ARMC8: variants seen among roughly 807,000 people sequenced by gnomAD.
ARMC8 encodes the protein armadillo repeat containing 8.
Under a neutral mutation model 99.3 loss-of-function variants are expected in ARMC8, and 20 were observed. The ratio of observed to expected loss-of-function variants is 0.20; its 90% CI spans 0.14 to 0.29. The LOEUF is 0.29. ARMC8 is among the 10% of genes least tolerant of loss of function. The pLI is 1.00. For missense variants in ARMC8, 569 were observed against 809.5 expected (o/e 0.70, Z 3.60); for synonymous variants, 263 against 278.3 (o/e 0.95, Z 0.55).
At chr3:138,250,110 A>T (rs908506847) in intron 12 of ARMC8, among the ~76,000 whole-genome samples, 7 of 151,794 alleles carry the variant, frequency 4.6e-5, no homozygotes, top group South Asian at 2.1e-4. Flanking sequence ...ATTAAAAAAA[A>T]TTTTTTTTTG....
At position 138,235,899 on chromosome 3, in the gene ARMC8, A is replaced by G. The variant is rs1047331478; in HGVS notation, c.609+785A>G. Reference sequence around the variant, plus strand: ...TGGCTCACTGCAAGCTCCGCCTCCCACGTTCACGCCATTCTCGTGCCTCAG... The same window carrying G: ...TGGCTCACTGCAAGCTCCGCCTCCCGCGTTCACGCCATTCTCGTGCCTCAG... On this transcript the variant is annotated intron_variant, in intron 7 of 21. Transcript: ENST00000469044. 7.4e-5 allele frequency among the ~76,000 whole-genome samples: 10 copies of G among 134,656 alleles called. No individual in the cohort carries two copies. The Admixed American group carries it at 9.1e-4, about 12-fold the overall frequency. The allele number at this position is 134,656 out of a possible 152,430, so 88.3% of individuals were successfully genotyped here.
chr3:138,252,815 C>T (rs1422536018), intron 12 of ARMC8, among the ~76,000 whole-genome samples: 4 of 143,692 alleles, frequency 2.8e-5, no homozygotes, highest in African/African-American at 7.8e-5. Flanking sequence ...TACCAAACTT[C>T]GCATATGCCT....
Position 138,288,740 on chromosome 3 carries a change from C to T in ARMC8, c.1822-308C>T, listed in dbSNP as rs151295263. Among the ~76,000 whole-genome samples, 1,400 of 151,024 alleles carry T rather than the reference C, an allele frequency of 9.3e-3. 25 individuals are homozygous for T. Among genetic ancestry groups the T allele is most frequent in the African/African-American group, 0.033 (1,360 of 41,088 alleles). ...GCAACCTCTGCCTCCCAGGTTCAGG[C>T]GATTCTCCTGCCTCAGCCTCCCTAG... On this transcript the variant is annotated intron_variant, in intron 19 of 21. Coordinates refer to ENST00000469044, the MANE Select transcript of ARMC8 (RefSeq NM_001363941.2).
chr3:138,212,370 C>T (rs964301979), intron 2 of ARMC8, among the ~76,000 whole-genome samples: 17 of 146,760 alleles, frequency 1.2e-4, no homozygotes, highest in South Asian at 2.1e-4. Context: ...AGTGCAATGG[C>T]GCGATCTCGG....
intron 5 of ARMC8, among the ~76,000 whole-genome samples, chr3:138,224,485 C>A (rs758975346): frequency 1.3e-5 from 2 of 152,188 alleles, no homozygotes; most frequent in Admixed American, 1.3e-4. Flanking sequence ...TACAGTGGCT[C>A]ACGCCTGTAA....
At chr3:138,293,571 A>T (rs143276768) in intron 21 of ARMC8, among the ~76,000 whole-genome samples, 3 of 152,180 alleles carry the variant, frequency 2.0e-5, no homozygotes, top group East Asian at 3.9e-4. Context: ...AGAACTAAAA[A>T]ACTGCAGCCC....
chr3:138,255,307 A>G (rs1473540548), intron 12 of ARMC8, among the ~76,000 whole-genome samples: 8 of 146,702 alleles, frequency 5.5e-5, no homozygotes, highest in African/African-American at 1.8e-4. Flanking sequence ...GGCTCAGGCC[A>G]TTCTCCTGCC....
chr3:138,277,025 TATA>T (rs1382445029), intron 18 of ARMC8, among the ~76,000 whole-genome samples: 1 of 152,068 alleles, frequency 6.6e-6, no homozygotes, highest in African/African-American at 2.4e-5. Context: ...AAGACTTAAT[TATA>T]AAAGTACAGT....
At chr3:138,273,580 C>T (rs979171432) in intron 17 of ARMC8, among the ~76,000 whole-genome samples, 5 of 152,108 alleles carry the variant, frequency 3.3e-5, no homozygotes, top group East Asian at 1.9e-4. Context: ...GCAGTGGATA[C>T]GTGTCAGAGT....
At chr3:138,235,639 C>CA (rs2046292057) in intron 7 of ARMC8, among the ~76,000 whole-genome samples, 1 of 152,206 alleles carries the variant, frequency 6.6e-6, no homozygotes, top group East Asian at 1.9e-4. Context: ...AAACCTTCGC[C>CA]ATTCATTGTT....
intron 1 of ARMC8, among the ~76,000 whole-genome samples, chr3:138,195,170 C>T (rs377540866): frequency 2.6e-5 from 4 of 151,164 alleles, no homozygotes; most frequent in South Asian, 2.1e-4. Context: ...CCCAGCTACT[C>T]GGGAGGCTGA....
chr3:138,298,014 A>C lies in ARMC8; in HGVS notation c.*2122A>C, dbSNP rs758691302. 9.2e-5 allele frequency: 14 copies of C among 152,264 alleles called. No homozygotes were observed. Among genetic ancestry groups the C allele is most frequent in the Non-Finnish European group, 2.1e-4 (14 of 68,050 alleles). The allele number at this position is 152,264 out of a possible 1,614,324, so 9.4% of individuals were successfully genotyped here. ...GTGGGTATAAACAGATGGTCAAATT[A>C]AAAATGCTTTACTATAATTAACTTT... On this transcript the variant is annotated 3_prime_UTR_variant, in exon 22 of 22. Transcript: ENST00000469044.
chr3:138,285,634 TC>T (rs1174879526), intron 19 of ARMC8, among the ~76,000 whole-genome samples: 6 of 152,196 alleles, frequency 3.9e-5, no homozygotes, highest in African/African-American at 1.4e-4. Flanking sequence ...TTTGTTCACT[TC>T]CTTCAGAGCA....
intron 2 of ARMC8, among the ~76,000 whole-genome samples, chr3:138,210,710 C>T (rs2044645514): frequency 6.6e-6 from 1 of 152,110 alleles, no homozygotes; most frequent in Non-Finnish European, 1.5e-5. Context: ...ATCCCATAAG[C>T]ATTGTCAGCC....
chr3:138,241,915 C>A lies in ARMC8; in HGVS notation c.970C>A (p.Leu324Ile). The change falls in exon 11 of 22, where the codon CTC becomes ATC. Residue 324 changes from leucine to isoleucine, a missense_variant. Physicochemically the swap from Leu to Ile is conservative, Grantham distance 5 (BLOSUM62 2). Transcript: ENST00000469044. ...GAGAATCGCTAGCATAACTGATCAC[C>A]TCATTGCCATGCTTGCTGATTATTT... ...LQRIASITDH[L>I]IAMLADYFKY... 6.2e-7 allele frequency: 1 copy of A among 1,614,082 alleles called. No individual in the cohort carries two copies. The highest frequency in any genetic ancestry group is 8.5e-7 in the Non-Finnish European group (1 of 1,179,976).
rs1361044207 is a variant in ARMC8 at position 138,201,437 on chromosome 3, T to C, written c.46-8380T>C. 1.0e-3 allele frequency among the ~76,000 whole-genome samples: 9 copies of C among 8,778 alleles called. No individual in the cohort carries two copies. The East Asian group carries it at 0.015, about 14-fold the overall frequency. 5.8% of individuals were successfully genotyped at this position (8,778 alleles called of 152,430 possible). ...AGAGTCCTTGTCTTCTTCCCCTCCCTTTTTTTTTTTTTTTTTTTTTTTTTT... is the reference window on the plus strand; with the variant it reads ...AGAGTCCTTGTCTTCTTCCCCTCCCCTTTTTTTTTTTTTTTTTTTTTTTTT... On this transcript the variant is annotated intron_variant, in intron 1 of 21. Transcript: ENST00000469044.
At chr3:138,227,405 T>G (rs909561359) in intron 5 of ARMC8, among the ~76,000 whole-genome samples, 3 of 152,372 alleles carry the variant, frequency 2.0e-5, no homozygotes, top group Admixed American at 2.0e-4. Flanking sequence ...TTCACTATCC[T>G]TTGCCAGTGA....
intron 6 of ARMC8, among the ~76,000 whole-genome samples, chr3:138,232,306 A>G (rs1181133731): frequency 6.6e-5 from 10 of 152,094 alleles, no homozygotes. Flanking sequence ...AATTTTGTGT[A>G]CAACCTCAGA....
chr3:138,257,822 G>A (rs961180318), intron 12 of ARMC8, among the ~76,000 whole-genome samples: 1 of 152,062 alleles, frequency 6.6e-6, no homozygotes, highest in Non-Finnish European at 1.5e-5. Context: ...TCTGTTATAC[G>A]TCCTTTTTCC....
Sources: allele counts gnomAD v4.1 joint callset (sites outside exome capture counted in the v4.1 genomes callset), GRCh38; gene constraint gnomAD v4.1.1; transcripts MANE v1.5; gene names NCBI Gene and HGNC (gene_info 2026-07-23, HGNC 2026-07-21).